The following SLC8A1 variants were observed in gnomAD, a reference collection of about 807,000 sequenced individuals.
The protein encoded by SLC8A1 is sodium/calcium exchanger 1.
Under a neutral mutation model 68.3 loss-of-function variants are expected in SLC8A1, and 18 were observed. The ratio of observed to expected loss-of-function variants is 0.26; its 90% confidence interval spans 0.18 to 0.39. The LOEUF is 0.39. SLC8A1 is among the 10% of genes least tolerant of loss of function. SLC8A1 has a pLI of 1.00. For missense variants in SLC8A1, 985 were observed against 1,156.7 expected (o/e 0.85, Z 2.15); for synonymous variants, 475 against 415.5 (o/e 1.14, Z -1.74).
chr2:40,403,080 T>C (rs561855494), intron 2 of SLC8A1, among the ~76,000 whole-genome samples: 2 of 152,290 alleles, frequency 1.3e-5, no homozygotes, highest in South Asian at 4.1e-4. Flanking sequence ...ACAATACACA[T>C]AACGAACACC....
At chr2:40,277,144 T>C (rs1224501981) in intron 2 of SLC8A1, among the ~76,000 whole-genome samples, 1 of 152,130 alleles carries the variant, frequency 6.6e-6, no homozygotes, top group Non-Finnish European at 1.5e-5. Context: ...TTTATACTTA[T>C]AATAACACAT....
At chr2:40,359,948 C>G (rs1191899386) in intron 2 of SLC8A1, among the ~76,000 whole-genome samples, 1 of 137,728 alleles carries the variant, frequency 7.3e-6, no homozygotes, top group African/African-American at 2.6e-5. Flanking sequence ...AAAAAAAAAA[C>G]AGATACATAA....
chr2:40,352,711 C>G (rs1671473672), intron 2 of SLC8A1, among the ~76,000 whole-genome samples: 1 of 152,194 alleles, frequency 6.6e-6, no homozygotes, highest in African/African-American at 2.4e-5. Context: ...AAAAGTATTA[C>G]TGAGGCAGTC....
intron 2 of SLC8A1, among the ~76,000 whole-genome samples, chr2:40,337,992 A>C (rs888777939): frequency 6.6e-6 from 1 of 152,120 alleles, no homozygotes; most frequent in African/African-American, 2.4e-5. Context: ...CAATATGGAC[A>C]ACATCACCCA....
chr2:40,258,064 G>T (rs551935102), intron 2 of SLC8A1, among the ~76,000 whole-genome samples: 2 of 152,278 alleles, frequency 1.3e-5, no homozygotes, highest in African/African-American at 4.8e-5. Context: ...CCAAACAATT[G>T]TAAGAAAAGC....
intron 1 of SLC8A1, among the ~76,000 whole-genome samples, chr2:40,444,849 T>C (rs1054888568): frequency 2.0e-5 from 3 of 152,182 alleles, no homozygotes; most frequent in South Asian, 2.1e-4. Flanking sequence ...ACAGATCCTA[T>C]AGTTCACAAA....
At chr2:40,219,275 G>C (rs2148826937) in intron 2 of SLC8A1, among the ~76,000 whole-genome samples, 1 of 152,190 alleles carries the variant, frequency 6.6e-6, no homozygotes, top group East Asian at 1.9e-4. Flanking sequence ...TTTGACCTTG[G>C]AGGCTTTTTA....
At chr2:40,361,432 G>C (rs560660830) in intron 2 of SLC8A1, among the ~76,000 whole-genome samples, 1 of 139,840 alleles carries the variant, frequency 7.2e-6, no homozygotes, top group South Asian at 2.2e-4. Flanking sequence ...CTTTAAAATT[G>C]TTATGCACAT....
At chr2:40,418,816 C>T (rs1278825917) in intron 2 of SLC8A1, among the ~76,000 whole-genome samples, 1 of 152,172 alleles carries the variant, frequency 6.6e-6, no homozygotes, top group Non-Finnish European at 1.5e-5. Context: ...GTGACAGGAG[C>T]CATCTGGGAT....
At chr2:40,444,123 C>G (rs973869622) in intron 1 of SLC8A1, among the ~76,000 whole-genome samples, 32 of 152,168 alleles carry the variant, frequency 2.1e-4, no homozygotes, top group African/African-American at 7.7e-4. Flanking sequence ...TGCTTGAGCC[C>G]AGGAGTTCAA....
chr2:40,256,146 C>A (rs1178342236), intron 2 of SLC8A1, among the ~76,000 whole-genome samples: 19 of 152,248 alleles, frequency 1.2e-4, no homozygotes, highest in Admixed American at 1.2e-3. Context: ...CCATAAGACA[C>A]ACGGCATTTT....
chr2:40,409,807 T>C (rs1459741731), intron 2 of SLC8A1, among the ~76,000 whole-genome samples: 1 of 152,160 alleles, frequency 6.6e-6, no homozygotes, highest in Non-Finnish European at 1.5e-5. Flanking sequence ...AGTGAGAATG[T>C]AGTCATTCAT....
chr2:40,223,060 C>A (rs1025957779), intron 2 of SLC8A1, among the ~76,000 whole-genome samples: 12 of 152,158 alleles, frequency 7.9e-5, no homozygotes, highest in African/African-American at 2.9e-4. Flanking sequence ...TAGAAAGACA[C>A]ATGTACATGT....
At chr2:40,250,503 G>A (rs1338462166) in intron 2 of SLC8A1, 1 of 151,360 alleles carries the variant, frequency 6.6e-6, no homozygotes, top group Non-Finnish European at 1.5e-5. Context: ...TACCATGACA[G>A]GAAAATGTAA....
chr2:40,402,393 G>A (rs1186651255), intron 2 of SLC8A1, among the ~76,000 whole-genome samples: 1 of 152,194 alleles, frequency 6.6e-6, no homozygotes, highest in Non-Finnish European at 1.5e-5. Context: ...AGAAGTAACT[G>A]TAAGTATAAT....
At chr2:40,411,643 A>G (rs1042666828) in intron 2 of SLC8A1, among the ~76,000 whole-genome samples, 6 of 152,112 alleles carry the variant, frequency 3.9e-5, no homozygotes, top group Admixed American at 1.3e-4. Flanking sequence ...TAGGGGCCTC[A>G]TTAAATAAAT....
chr2:40,392,299 C>T (rs753402812), intron 2 of SLC8A1, among the ~76,000 whole-genome samples: 1 of 151,974 alleles, frequency 6.6e-6, no homozygotes, highest in Non-Finnish European at 1.5e-5. Context: ...TCTTTATCAT[C>T]ACATTTAAAT....
intron 1 of SLC8A1, among the ~76,000 whole-genome samples, chr2:40,488,717 C>T (rs1215351488): frequency 6.6e-6 from 1 of 152,092 alleles, no homozygotes; most frequent in Admixed American, 6.6e-5. Flanking sequence ...TTTAAATTCA[C>T]ATGAGTTCTT....
chr2:40,491,648 C>T (rs763390173), intron 1 of SLC8A1, among the ~76,000 whole-genome samples: 13 of 151,988 alleles, frequency 8.6e-5, no homozygotes, highest in African/African-American at 2.7e-4. Context: ...TACTGAGATA[C>T]GTCCCATCAA....
Sources: gnomAD v4.1 joint callset for allele counts (sites outside exome capture counted in the v4.1 genomes callset) on GRCh38, gnomAD v4.1.1 for gene constraint, MANE v1.5 for transcripts, NCBI Gene and HGNC (gene_info 2026-07-23, HGNC 2026-07-21) for gene names.